The following CNTNAP1 variants were observed in gnomAD, a reference collection of about 807,000 sequenced individuals.
The protein encoded by CNTNAP1 is contactin-associated protein 1.
In CNTNAP1, 80 loss-of-function variants were observed where a neutral mutation model predicts 161.5. The observed-to-expected ratio is 0.50, with a 90% CI of 0.41 to 0.60. The LOEUF is 0.60. Ranked by LOEUF, CNTNAP1 falls within the 20% of genes least tolerant of loss-of-function variation. CNTNAP1 has a pLI of 0.00. For synonymous variants in CNTNAP1, 695 were observed against 733.1 expected (o/e 0.95, Z 0.84); for missense variants, 1,464 against 1,854.8 (o/e 0.79, Z 3.87).
chr17:42,694,201 C>T (rs1344901642), intron 18 of CNTNAP1, among the ~76,000 whole-genome samples: 2 of 145,944 alleles, frequency 1.4e-5, no homozygotes, highest in Non-Finnish European at 3.0e-5. Context: ...GACTGAGTTT[C>T]ACTCTTGTTG....
In CNTNAP1 at chr17:42,686,888, C is replaced by T. The variant is rs1313664105; in HGVS notation, c.901-15C>T. The T allele has an allele frequency of 1.3e-6, 2 of 1,589,546 alleles. No individual in the cohort carries two copies. Among genetic ancestry groups the T allele is most frequent in the Admixed American group, 1.7e-5 (1 of 59,132 alleles). ...TCCTGTGCCCAAGAGGCCTCATTCC[C>T]CACGCCTCCCGCAGATGTTCATCGG... On this transcript the variant is annotated splice_polypyrimidine_tract_variant and intron_variant, in intron 6 of 23. Transcript: ENST00000264638.
Position 42,688,950 on chromosome 17 carries a change from A to G in CNTNAP1, c.1531A>G (p.Lys511Glu), listed in dbSNP as rs1567972134. The G allele has an allele frequency of 6.2e-7, 1 of 1,613,998 alleles. No homozygotes were observed. The highest frequency in any genetic ancestry group is 1.3e-5 in the African/African-American group (1 of 75,008). The change falls in exon 10 of 24, where the codon AAG becomes GAG. Residue 511 changes from lysine (K) to glutamate (E), a missense_variant. Coordinates refer to ENST00000264638, the MANE Select transcript of CNTNAP1 (RefSeq NM_003632.3). ...TAFHGCMELL[K>E]VDGQLVNLTL... ...ATTCCATGGCTGCATGGAGCTGCTC[A>G]AGGTGGATGGTCAACTGGTCAACCT...
rs747462502 is a variant in CNTNAP1, at chr17:42,697,636, C to T, written c.3651C>T (p.Asn1217=). 9.3e-6 allele frequency: 15 copies of T among 1,614,044 alleles called. No individual in the cohort carries two copies. The highest frequency in any genetic ancestry group is 3.3e-5 in the Admixed American group (2 of 59,996). ...GCCTGTCTGGTGTTCGATTCAACAA[C>T]GTGGCTCCCCTCAAGACCCACTTCC... ...SGCLSGVRFN[N]VAPLKTHFRT... is the part of the protein sequence containing the mutation. Residue 1217 remains asparagine, a synonymous_variant, in exon 22 of 24, where the codon AAC becomes AAT. Coordinates refer to ENST00000264638, the MANE Select transcript of CNTNAP1 (RefSeq NM_003632.3).
At position 42,696,112 on chromosome 17, in the gene CNTNAP1, G is replaced by A. The variant is rs2053149088; in HGVS notation, c.3434G>A (p.Ser1145Asn). Residue 1145 changes from serine to asparagine, a missense_variant, in exon 20 of 24, where the codon AGC becomes AAC. By Grantham distance (46) the Ser-to-Asn change is conservative. Transcript: ENST00000264638. ...TRPVTDGQPH[S>N]INITRVYRNL... ...CCAGTGACCGATGGCCAGCCCCATAGCATCAATATCACCCGTGTTTACCGG... is the reference window on the plus strand; with the variant it reads ...CCAGTGACCGATGGCCAGCCCCATAACATCAATATCACCCGTGTTTACCGG... The A allele has an allele frequency of 6.2e-7, 1 of 1,614,056 alleles. No individual in the cohort carries two copies. Among genetic ancestry groups the A allele is most frequent in the Non-Finnish European group, 8.5e-7 (1 of 1,180,036 alleles).
rs2052947867 is a variant in CNTNAP1, at chr17:42,682,539, C to T, written c.-291C>T. Reference sequence around the variant, plus strand: ...GCTTGCGCGGGGTCCGGGAAACCGGCGCGTGCCAGGAGACAGAGGCTGGGG... The same window carrying T: ...GCTTGCGCGGGGTCCGGGAAACCGGTGCGTGCCAGGAGACAGAGGCTGGGG... On this transcript the variant is annotated 5_prime_UTR_variant, in exon 1 of 24. Coordinates refer to ENST00000264638, the MANE Select transcript of CNTNAP1 (RefSeq NM_003632.3). 1 of 497,164 alleles carries T rather than the reference C, an allele frequency of 2.0e-6. No individual in the cohort carries two copies. The highest frequency in any genetic ancestry group is 2.3e-5 in the South Asian group (1 of 44,236). 30.8% of individuals were successfully genotyped at this position (497,164 alleles called of 1,614,324 possible).
rs2053043993 is a variant in CNTNAP1 at position 42,688,327 on chromosome 17, G to C, written c.1307-135G>C. ...GAGACATTCAGAGAGGTCTCCACTG[G>C]GTGTGAGAAGTGTAATCACGGGGGC... is the stretch of plus-strand genomic sequence containing the variant. On this transcript the variant is annotated intron_variant, in intron 8 of 23. Transcript: ENST00000264638. The C allele has an allele frequency of 4.3e-6, 5 of 1,165,194 alleles. No homozygotes were observed. In the Admixed American group the frequency reaches 7.3e-5, roughly 17 times the overall value. 72.2% of individuals were successfully genotyped at this position (1,165,194 alleles called of 1,614,324 possible).
At chr17:42,696,634 A>C (rs1417217807) in intron 20 of CNTNAP1, among the ~76,000 whole-genome samples, 1 of 152,112 alleles carries the variant, frequency 6.6e-6, no homozygotes, top group Non-Finnish European at 1.5e-5. Context: ...GACAATAGGC[A>C]TTCTTATTTA....
chr17:42,684,576 C>G (rs1179128094), intron 3 of CNTNAP1, among the ~76,000 whole-genome samples: 1 of 152,032 alleles, frequency 6.6e-6, no homozygotes, highest in Non-Finnish European at 1.5e-5. Context: ...TGTTTACTTT[C>G]CAGAAGTCGA....
Position 42,683,859 on chromosome 17 carries a change from C to A in CNTNAP1, c.106C>A (p.Arg36Ser). 3 of 1,612,876 alleles carry A rather than the reference C, an allele frequency of 1.9e-6. No individual in the cohort carries two copies. The highest frequency in any genetic ancestry group is 2.5e-6 in the Non-Finnish European group (3 of 1,179,992). Residue 36 changes from arginine to serine, a missense_variant, in exon 2 of 24, where the codon CGC becomes AGC. Arg to Ser is a moderately radical substitution (Grantham distance 110). Transcript: ENST00000264638. ...DEELVGPLYA[R>S]SLGASSYYSL... is the part of the protein sequence containing the mutation. The stretch of plus-strand genomic sequence containing the variant: ...GGAGCTGGTGGGTCCCCTGTATGCA[C>A]GCTCCCTGGGCGCCTCCTCCTACTA...
In CNTNAP1 at chr17:42,697,961, C is replaced by T; in HGVS notation, c.3862+11C>T. The T allele has an allele frequency of 6.2e-7, 1 of 1,614,138 alleles. No individual in the cohort carries two copies. The highest frequency in any genetic ancestry group is 8.5e-7 in the Non-Finnish European group (1 of 1,179,964). ...CCATACTTTTAGGCTGTGAGTAGCA[C>T]TGATCACTAAGCTGACCTCCCAAGA... On this transcript the variant is annotated intron_variant, in intron 23 of 23. Transcript: ENST00000264638.
chr17:42,685,200 T>C lies in CNTNAP1; in HGVS notation c.512-17T>C. 1 of 1,613,336 alleles carries C rather than the reference T, an allele frequency of 6.2e-7. No individual in the cohort carries two copies. The highest frequency in any genetic ancestry group is 8.5e-7 in the Non-Finnish European group (1 of 1,179,920). On this transcript the variant is annotated splice_polypyrimidine_tract_variant and intron_variant, in intron 4 of 23. Coordinates refer to ENST00000264638, the MANE Select transcript of CNTNAP1 (RefSeq NM_003632.3). The surrounding 1 kb of genome is among the most constrained non-coding windows in gnomAD (Gnocchi z 5.0). ...CAGCCTCCCCAGTTCCCGGCCCACC[T>C]ACGGTCCTTTGCGCAGAGGCCGACA...
chr17:42,695,718 C>G lies in CNTNAP1; in HGVS notation c.3190C>G (p.Arg1064Gly). ...CGGGTACCGCCTGCCCGACTACCCC[C>G]GGCCTGGTCGGCCTGTGCCCGGTTA... ...GPGYRLPDYP[R>G]PGRPVPGYRG... is the part of the protein sequence containing the mutation. The change falls in exon 19 of 24, where the codon CGG (arginine) becomes GGG (glycine). Residue 1064 changes from arginine (R) to glycine (G), a missense_variant. By Grantham distance (125) the Arg-to-Gly change is moderately radical. This residue lies in a region of CNTNAP1 where 1,383 missense variants were observed against 1,765.0 expected (regional missense o/e 0.78). Coordinates refer to ENST00000264638, the MANE Select transcript of CNTNAP1 (RefSeq NM_003632.3). 1 of 1,614,168 alleles carries G rather than the reference C, an allele frequency of 6.2e-7. No homozygotes were observed. The highest frequency in any genetic ancestry group is 1.6e-4 in the Middle Eastern group (1 of 6,062).
chr17:42,682,748 G>C lies in CNTNAP1; in HGVS notation c.-82G>C, dbSNP rs2052951246. The C allele has an allele frequency of 2.8e-6, 4 of 1,404,028 alleles. No individual in the cohort carries two copies. In the Admixed American group the frequency reaches 7.9e-5, roughly 28 times the overall value. The allele number at this position is 1,404,028 out of a possible 1,614,324, so 87.0% of individuals were successfully genotyped here. A position where few individuals can be genotyped will look rare whatever the true frequency, so the allele number is the denominator to read the frequency against. On this transcript the variant is annotated 5_prime_UTR_variant, in exon 1 of 24. Coordinates refer to ENST00000264638, the MANE Select transcript of CNTNAP1 (RefSeq NM_003632.3). The stretch of plus-strand genomic sequence containing the variant: ...AGCGGTCTGCTGCAAACCCCAGGAG[G>C]AGAGCTTGGAGCCCAAGCCAGAACT...
chr17:42,690,416 C>T (rs1205626605), intron 12 of CNTNAP1, among the ~76,000 whole-genome samples: 2 of 149,610 alleles, frequency 1.3e-5, no homozygotes, highest in African/African-American at 2.5e-5. Flanking sequence ...GGAAGCTACT[C>T]GGGAGGTTGA....
At chr17:42,696,234 A>C in intron 20 of CNTNAP1, 82 bp downstream of exon 20, 9 of 1,536,478 alleles carry the variant, frequency 5.9e-6, no homozygotes, top group Non-Finnish European at 8.0e-6. Flanking sequence ...TCAAATACTT[A>C]ATATTTGTAG....
chr17:42,688,609 G>C lies in CNTNAP1; in HGVS notation c.1454G>C (p.Gly485Ala). ...LIRTGTSYFFGGCPKPASRWD... is the reference protein window; with the variant it reads ...LIRTGTSYFFAGCPKPASRWD... ...CGGACAGGGACCTCATATTTCTTTG[G>C]GGGTAAGTGGGGGCCAACCTGACCA... Residue 485 changes from glycine (G) to alanine (A), a missense_variant and splice_region_variant, in exon 9 of 24, where the codon GGG becomes GCG. Around this residue, in one of 3 missense-constraint regions of CNTNAP1, gnomAD observed 1,383 missense variants for 1,765.0 expected, o/e 0.78. Transcript: ENST00000264638. 1.2e-6 allele frequency: 2 copies of C among 1,614,132 alleles called. No homozygotes were observed. The highest frequency in any genetic ancestry group is 1.7e-6 in the Non-Finnish European group (2 of 1,180,026).
rs1410292178 is a variant in CNTNAP1, at chr17:42,693,298, A to C, written c.2754A>C (p.Gly918=). The change falls in exon 18 of 24, where the codon GGA becomes GGC. Residue 918 remains glycine (G), a splice_region_variant and synonymous_variant. Transcript: ENST00000264638. Reference sequence around the variant, plus strand: ...TGACCTGTTGCCTACCCTTCCCAGGATCTGCAGAGCTTAAGAGACGCCCCT... The same window carrying C: ...TGACCTGTTGCCTACCCTTCCCAGGCTCTGCAGAGCTTAAGAGACGCCCCT... The part of the protein sequence containing the change: ...WMEYDQPLYV[G]SAELKRRPFV... 6.2e-7 allele frequency: 1 copy of C among 1,614,006 alleles called. No homozygotes were observed. The highest frequency in any genetic ancestry group is 8.5e-7 in the Non-Finnish European group (1 of 1,179,956).
Position 42,695,733 on chromosome 17 carries a change from G to A in CNTNAP1, c.3205G>A (p.Val1069Met), listed in dbSNP as rs770324433. The change falls in exon 19 of 24, where the codon GTG (valine) becomes ATG (methionine). Residue 1069 changes from valine to methionine, a missense_variant. By Grantham distance (21) the Val-to-Met change is conservative. This residue lies in a region of CNTNAP1 where 1,383 missense variants were observed against 1,765.0 expected (regional missense o/e 0.78). Transcript: ENST00000264638. ...CGACTACCCCCGGCCTGGTCGGCCTGTGCCCGGTTACCGTGGGCCTGTCTA... is the reference window on the plus strand; with the variant it reads ...CGACTACCCCCGGCCTGGTCGGCCTATGCCCGGTTACCGTGGGCCTGTCTA... ...LPDYPRPGRP[V>M]PGYRGPVYNV... 2.5e-6 allele frequency: 4 copies of A among 1,614,240 alleles called. No individual in the cohort carries two copies. The South Asian group carries it at 3.3e-5, about 13-fold the overall frequency.
At chr17:42,692,015 G>A (rs1415724427) in intron 16 of CNTNAP1, 24 bp downstream of exon 16, 1 of 1,607,816 alleles carries the variant, frequency 6.2e-7, no homozygotes, top group African/African-American at 1.3e-5. Context: ...CTGTGGGAGG[G>A]CCTCGGGGTA....
Sources: gnomAD v4.1 joint callset for allele counts (sites outside exome capture counted in the v4.1 genomes callset) on GRCh38, gnomAD v4.1.1 for gene constraint, gnomAD v4.1.1 regional missense constraint, Gnocchi (gnomAD v3.1) non-coding constraint, MANE v1.5 for transcripts, NCBI Gene and HGNC (gene_info 2026-07-23, HGNC 2026-07-21) for gene names.